Variants in EDEM2 observed in about 807,000 individuals in gnomAD.
The protein encoded by EDEM2 is ER degradation-enhancing alpha-mannosidase-like protein 2.
Under a neutral mutation model 64.8 loss-of-function variants are expected in EDEM2, and 39 were observed. That is an observed-to-expected ratio of 0.60 (90% CI 0.47 to 0.79). The LOEUF is 0.79. Ranked by LOEUF, EDEM2 falls within the 30% of genes least tolerant of loss-of-function variation. The probability of loss-of-function intolerance (pLI) is 0.00; values close to 1 mark genes in which losing one functional copy is unlikely to be tolerated. For synonymous variants in EDEM2, 296 were observed against 291.5 expected, an observed-to-expected ratio of 1.02 and a Z score of -0.16; for missense variants, 609 against 731.3, an observed-to-expected ratio of 0.83 and a Z score of 1.93.
Position 35,134,828 on chromosome 20 carries a change from G to T in EDEM2, c.612C>A (p.Thr204=), listed in dbSNP as rs1371046111. The change falls in exon 6 of 11, where the codon ACC becomes ACA. Residue 204 remains threonine (T), a synonymous_variant. Coordinates refer to ENST00000374492, the MANE Select transcript of EDEM2 (RefSeq NM_018217.3). ...CCGGGTCACCAGTGAGGCTGCTCAG[G>T]GTGGCAAATTCAACAATGAAGGTCC... The part of the protein sequence containing the change: ...GIGTFIVEFA[T]LSSLTGDPVF... The T allele has an allele frequency of 6.2e-7, 1 of 1,614,134 alleles. No homozygotes were observed.
chr20:35,124,267 A>T (rs73279928), intron 8 of EDEM2, among the ~76,000 whole-genome samples: 14,021 of 152,198 alleles, frequency 0.092, 2,174 homozygotes, highest in African/African-American at 0.32. Flanking sequence ...CAAAGATTGT[A>T]TATTAAGTCC....
At chr20:35,138,642 C>T (rs1417377139) in intron 4 of EDEM2, among the ~76,000 whole-genome samples, 3 of 150,210 alleles carry the variant, frequency 2.0e-5, no homozygotes, top group East Asian at 3.9e-4. Context: ...TGCAGTGGCG[C>T]GATTTCGGCT....
intron 2 of EDEM2, 98 bp from the exon 3 acceptor site, chr20:35,145,116 A>G: frequency 2.5e-6 from 3 of 1,204,712 alleles, no homozygotes; most frequent in Non-Finnish European, 3.6e-6. Context: ...AAATGAGGCA[A>G]AGTAATGCCT....
chr20:35,115,535 C>T lies in EDEM2; in HGVS notation c.1635G>A (p.Glu545=), dbSNP rs1010256218. Residue 545 remains glutamate, a synonymous_variant, in exon 11 of 11, where the codon GAG becomes GAA. Coordinates refer to ENST00000374492, the MANE Select transcript of EDEM2 (RefSeq NM_018217.3). ...FSPENHDQAR[E]RKPAKQKVPL... is the part of the protein sequence containing the mutation. ...GGACCTTCTGTTTGGCAGGCTTCCT[C>T]TCCCTTGCCTGGTCATGGTTTTCTG... is the stretch of plus-strand genomic sequence containing the variant. 1 of 1,614,156 alleles carries T rather than the reference C, an allele frequency of 6.2e-7. No individual in the cohort carries two copies. The highest frequency in any genetic ancestry group is 8.5e-7 in the Non-Finnish European group (1 of 1,179,978).
At chr20:35,146,482 C>G (rs2085733807) in intron 2 of EDEM2, among the ~76,000 whole-genome samples, 1 of 152,082 alleles carries the variant, frequency 6.6e-6, no homozygotes, top group African/African-American at 2.4e-5. Flanking sequence ...TCTGAATGCC[C>G]ACCTACATAA....
intron 6 of EDEM2, among the ~76,000 whole-genome samples, chr20:35,133,928 T>C (rs370125600): frequency 1.3e-5 from 2 of 152,218 alleles, no homozygotes; most frequent in African/African-American, 4.8e-5. Context: ...TTAACGTTAC[T>C]GCTGAAGTAA....
rs186319001 is a variant in EDEM2, at chr20:35,125,019, A to G, written c.970-985T>C. Among the ~76,000 whole-genome samples the G allele has an allele frequency of 1.1e-3, 166 of 152,288 alleles. 1 individual carries two copies. Among genetic ancestry groups the G allele is most frequent in the African/African-American group, 3.5e-3 (145 of 41,568 alleles). On this transcript the variant is annotated intron_variant, in intron 8 of 10. Transcript: ENST00000374492. ...TTACTATTAATGTAATCTCACAGGG[A>G]AGCAGCTGACCCTGACATCTTCATT...
At chr20:35,132,527 G>A (rs2085518721) in intron 6 of EDEM2, among the ~76,000 whole-genome samples, 1 of 151,990 alleles carries the variant, frequency 6.6e-6, no homozygotes, top group African/African-American at 2.4e-5. Flanking sequence ...GGTGGTGTGT[G>A]CCTATAATCC....
At chr20:35,146,335 G>A (rs150685266) in intron 2 of EDEM2, among the ~76,000 whole-genome samples, 1 of 152,266 alleles carries the variant, frequency 6.6e-6, no homozygotes, top group East Asian at 1.9e-4. Flanking sequence ...TAACTCGTAG[G>A]GGTATTAAGA....
intron 3 of EDEM2, among the ~76,000 whole-genome samples, chr20:35,144,561 T>C (rs1433248587): frequency 6.6e-6 from 1 of 152,132 alleles, no homozygotes; most frequent in Non-Finnish European, 1.5e-5. Context: ...CTCAAACCCC[T>C]GACCTCAGGT....
At chr20:35,125,926 C>G (rs1253479620) in intron 8 of EDEM2, among the ~76,000 whole-genome samples, 1 of 152,110 alleles carries the variant, frequency 6.6e-6, no homozygotes, top group Non-Finnish European at 1.5e-5. Flanking sequence ...CTTCCTGAGG[C>G]CCACTGTCAA....
rs931212855 is a variant in EDEM2 at position 35,120,306 on chromosome 20, G to A, written c.1115-1587C>T. Among the ~76,000 whole-genome samples the A allele has an allele frequency of 7.4e-4, 112 of 151,986 alleles. 1 individual carries two copies. Among genetic ancestry groups the A allele is most frequent in the Admixed American group, 6.5e-5 (1 of 15,272 alleles). On this transcript the variant is annotated intron_variant, in intron 9 of 10. Coordinates refer to ENST00000374492, the MANE Select transcript of EDEM2 (RefSeq NM_018217.3). ...TCAAACTCCTGACCTCAAGTCATCC[G>A]CCAGTCTTGGCTTCCTGAAGTGTTG...
At chr20:35,133,775 G>A (rs1208231591) in intron 6 of EDEM2, among the ~76,000 whole-genome samples, 1 of 152,132 alleles carries the variant, frequency 6.6e-6, no homozygotes. Flanking sequence ...CCTTAGGGGG[G>A]CACCTTCTTA....
At chr20:35,127,314 G>A (rs2085447570) in intron 7 of EDEM2, among the ~76,000 whole-genome samples, 1 of 152,118 alleles carries the variant, frequency 6.6e-6, no homozygotes, top group Non-Finnish European at 1.5e-5. Context: ...AGGTATCTGT[G>A]GAATTTTTCA....
intron 4 of EDEM2, among the ~76,000 whole-genome samples, chr20:35,139,009 G>A (rs1205101278): frequency 6.6e-6 from 1 of 152,084 alleles, no homozygotes; most frequent in Non-Finnish European, 1.5e-5. Flanking sequence ...CCCTGCAGAG[G>A]GGGAATAGGA....
At chr20:35,141,829 A>G (rs1416109676) in intron 4 of EDEM2, among the ~76,000 whole-genome samples, 1 of 152,178 alleles carries the variant, frequency 6.6e-6, no homozygotes, top group African/African-American at 2.4e-5. Flanking sequence ...TTGGAAGATT[A>G]ATGCTGTAGA....
At chr20:35,125,642 C>T (rs754420084) in intron 8 of EDEM2, among the ~76,000 whole-genome samples, 9 of 152,166 alleles carry the variant, frequency 5.9e-5, no homozygotes, top group Admixed American at 5.9e-4. Context: ...CCTCGGCCTG[C>T]CAAAGCGCTG....
At chr20:35,125,753 T>C (rs935896296) in intron 8 of EDEM2, among the ~76,000 whole-genome samples, 4 of 152,182 alleles carry the variant, frequency 2.6e-5, no homozygotes, top group African/African-American at 9.7e-5. Context: ...TTCTTAAAAC[T>C]TTTAAAAACG....
intron 1 of EDEM2, 22 bp downstream of exon 1, chr20:35,147,130 G>T: frequency 6.3e-7 from 1 of 1,595,668 alleles, no homozygotes; most frequent in Non-Finnish European, 8.6e-7. Flanking sequence ...CCCCAACTGC[G>T]AAAGGGCGGG....
Sources: allele counts gnomAD v4.1 joint callset (sites outside exome capture counted in the v4.1 genomes callset), GRCh38; gene constraint gnomAD v4.1.1; transcripts MANE v1.5; gene names NCBI Gene and HGNC (gene_info 2026-07-23, HGNC 2026-07-21).